LTO1: variants seen among roughly 807,000 people sequenced by gnomAD.
LTO1 encodes the protein protein LTO1 homolog.
Under a neutral mutation model 19.8 loss-of-function variants are expected in LTO1, and 18 were observed. That is an observed-to-expected ratio of 0.91 (90% CI 0.63 to 1.35). LTO1 has a LOEUF of 1.35. Ranked by LOEUF, LTO1 falls within the 40% of genes most tolerant of loss-of-function variation. The pLI is 0.00. For synonymous variants in LTO1, 59 were observed against 59.6 expected, an observed-to-expected ratio of 0.99 and a Z score of 0.05; for missense variants, 175 against 167.9, an observed-to-expected ratio of 1.04 and a Z score of -0.23.
intron 3 of LTO1, among the ~76,000 whole-genome samples, chr11:69,670,465 G>GC (rs1856095377): frequency 6.6e-6 from 1 of 152,236 alleles, no homozygotes. Flanking sequence ...CCAGCTGCCG[G>GC]CCGCTGCCTG....
chr11:69,672,624 C>A, intron 2 of LTO1: 1 of 171,106 alleles, frequency 5.8e-6, no homozygotes, highest in East Asian at 1.5e-4. Context: ...AGTACATGAG[C>A]CAGCACCATG....
Position 69,667,204 on chromosome 11 carries a change from C to A in LTO1, c.*315G>T. On this transcript the variant is annotated 3_prime_UTR_variant, in exon 5 of 5. Coordinates refer to ENST00000279147, the MANE Select transcript of LTO1 (RefSeq NM_153451.3). Reference sequence around the variant, plus strand: ...CTTCAGTCCAGGCCTGGTGACTGACCCTATCCAGAGCCAACTCCAACCCAG... The same window carrying A: ...CTTCAGTCCAGGCCTGGTGACTGACACTATCCAGAGCCAACTCCAACCCAG... 5.2e-6 allele frequency: 2 copies of A among 383,136 alleles called. No individual in the cohort carries two copies. The highest frequency in any genetic ancestry group is 4.7e-6 in the Non-Finnish European group (1 of 214,478). The allele number at this position is 383,136 out of a possible 1,614,324, so 23.7% of individuals were successfully genotyped here.
intron 2 of LTO1, chr11:69,672,115 A>T (rs956769693): frequency 2.7e-5 from 10 of 375,974 alleles, no homozygotes; most frequent in African/African-American, 1.9e-4. Flanking sequence ...AACAGCACAA[A>T]GCTCCTGAGT....
rs1389557641 is a variant in LTO1, at chr11:69,666,456, GACC to G, written c.*1060_*1062del. On this transcript the variant is annotated 3_prime_UTR_variant, in exon 5 of 5. Transcript: ENST00000279147. ...TGTGTGAACACGTGCCATCACATAT[GACC>G]ACCACTCGCCTCGTGGGGACCCACC... 1 of 152,278 alleles carries G rather than the reference GACC, an allele frequency of 6.6e-6. No individual in the cohort carries two copies. The highest frequency in any genetic ancestry group is 6.5e-5 in the Admixed American group (1 of 15,284). 9.4% of individuals were successfully genotyped at this position (152,278 alleles called of 1,614,324 possible).
rs757254567 is a variant in LTO1, at chr11:69,675,289, G to A, written c.-50C>T. 1.1e-5 allele frequency: 15 copies of A among 1,404,686 alleles called. No individual in the cohort carries two copies. Among genetic ancestry groups the A allele is most frequent in the Non-Finnish European group, 1.4e-5 (15 of 1,056,224 alleles). The allele number at this position is 1,404,686 out of a possible 1,614,324, so 87.0% of individuals were successfully genotyped here. A position where few individuals can be genotyped will look rare whatever the true frequency, so the allele number is the denominator to read the frequency against. Reference sequence around the variant, plus strand: ...CCCCGGGTTTCTGCAGCCCCGCGGTGCCGTAGCAGACCCGGCAGCTTCAGG... The same window carrying A: ...CCCCGGGTTTCTGCAGCCCCGCGGTACCGTAGCAGACCCGGCAGCTTCAGG... On this transcript the variant is annotated 5_prime_UTR_variant, in exon 1 of 5. Coordinates refer to ENST00000279147, the MANE Select transcript of LTO1 (RefSeq NM_153451.3).
chr11:69,675,167 G>C, intron 1 of LTO1, 23 bp downstream of exon 1: 1 of 1,590,400 alleles, frequency 6.3e-7, no homozygotes. Flanking sequence ...AGGGCGGGGT[G>C]CGGGCCCGGC....
In LTO1 at chr11:69,675,304, G is replaced by A. The variant is rs1242852152; in HGVS notation, c.-65C>T. On this transcript the variant is annotated 5_prime_UTR_variant, in exon 1 of 5. Transcript: ENST00000279147. ...GCCCCGCGGTGCCGTAGCAGACCCG[G>A]CAGCTTCAGGCACAAATGCTCCGCT... is the stretch of plus-strand genomic sequence containing the variant. The A allele has an allele frequency of 4.0e-6, 5 of 1,265,324 alleles. No individual in the cohort carries two copies. Among genetic ancestry groups the A allele is most frequent in the African/African-American group, 3.1e-5 (2 of 64,456 alleles). 78.4% of individuals were successfully genotyped at this position (1,265,324 alleles called of 1,614,324 possible). A position where few individuals can be genotyped will look rare whatever the true frequency, so the allele number is the denominator to read the frequency against.
Position 69,665,626 on chromosome 11 carries a change from G to A in LTO1, c.*1893C>T, listed in dbSNP as rs1427143723. The A allele has an allele frequency of 6.6e-6, 1 of 152,082 alleles. No homozygotes were observed. The highest frequency in any genetic ancestry group is 1.5e-5 in the Non-Finnish European group (1 of 68,020). 9.4% of individuals were successfully genotyped at this position (152,082 alleles called of 1,614,324 possible). On this transcript the variant is annotated 3_prime_UTR_variant, in exon 5 of 5. Transcript: ENST00000279147. ...ATAAAAATAATACATTATCAAAATA[G>A]ACAACTTACAAAACACAAAAATCCA... is the stretch of plus-strand genomic sequence containing the variant.
Position 69,671,828 on chromosome 11 carries a change from G to A in LTO1, c.157-9C>T, listed in dbSNP as rs755231708. 25 of 1,540,266 alleles carry A rather than the reference G, an allele frequency of 1.6e-5. No individual in the cohort carries two copies. In the South Asian group the frequency reaches 2.6e-4, roughly 16 times the overall value. On this transcript the variant is annotated splice_polypyrimidine_tract_variant and intron_variant, in intron 2 of 4. Transcript: ENST00000279147. Reference sequence around the variant, plus strand: ...CCTTGGTAGCACCCGATCTGTGAATGTGAAAAATATTTAAGAGTGAAATTA... The same window carrying A: ...CCTTGGTAGCACCCGATCTGTGAATATGAAAAATATTTAAGAGTGAAATTA...
Position 69,667,913 on chromosome 11 carries a change from G to T in LTO1, c.327C>A (p.Ile109=). 6.5e-7 allele frequency: 1 copy of T among 1,535,564 alleles called. No individual in the cohort carries two copies. Among genetic ancestry groups the T allele is most frequent in the Non-Finnish European group, 9.0e-7 (1 of 1,108,230 alleles). Reference sequence around the variant, plus strand: ...CACGCACCTGTTTAAATTTTCCTCTGATCTTGTCTAAGTCTTCATGGAGTT... The same window carrying T: ...CACGCACCTGTTTAAATTTTCCTCTTATCTTGTCTAAGTCTTCATGGAGTT... ...YDKLHEDLDK[I]RGKFKQFCSL... The change falls in exon 4 of 5, where the codon ATC becomes ATA. Residue 109 remains isoleucine, a synonymous_variant. Coordinates refer to ENST00000279147, the MANE Select transcript of LTO1 (RefSeq NM_153451.3).
intron 1 of LTO1, chr11:69,674,982 G>A: frequency 1.4e-6 from 1 of 693,772 alleles, no homozygotes. Flanking sequence ...AAGAGCAGCT[G>A]GGCACGTGCC....
In LTO1 at chr11:69,667,573, G is replaced by A. The variant is rs1460894808; in HGVS notation, c.360C>T (p.Leu120=). 1.9e-6 allele frequency: 3 copies of A among 1,609,172 alleles called. No individual in the cohort carries two copies. The highest frequency in any genetic ancestry group is 2.6e-6 in the Non-Finnish European group (3 of 1,175,580). The change falls in exon 5 of 5, where the codon CTC becomes CTT. Residue 120 remains leucine, a synonymous_variant. Transcript: ENST00000279147. ...TAATTTTAAAGTCTGGCTGAACATT[G>A]AGTAACGAACAAAACTGAAAACACA... The part of the protein sequence containing the change: ...RGKFKQFCSL[L]NVQPDFKISA...
At chr11:69,673,529 C>T in intron 1 of LTO1, 1 of 564,746 alleles carries the variant, frequency 1.8e-6, no homozygotes, top group Non-Finnish European at 3.2e-6. Flanking sequence ...TCTTGTAGCC[C>T]AGTTTCTTCA....
rs1236770621 is a variant in LTO1 at position 69,667,291 on chromosome 11, G to A, written c.*228C>T. 1.8e-6 allele frequency: 1 copy of A among 570,808 alleles called. No individual in the cohort carries two copies. Among genetic ancestry groups the A allele is most frequent in the African/African-American group, 1.9e-5 (1 of 52,722 alleles). 35.4% of individuals were successfully genotyped at this position (570,808 alleles called of 1,614,324 possible). A position where few individuals can be genotyped will look rare whatever the true frequency, so the allele number is the denominator to read the frequency against. ...GTCAATGCACGAGGGCTCTGCCAGG[G>A]ACGGCTTCAGCCCAACAAAGGGCAT... On this transcript the variant is annotated 3_prime_UTR_variant, in exon 5 of 5. Transcript: ENST00000279147.
chr11:69,670,010 A>C (rs1032978150), intron 3 of LTO1, among the ~76,000 whole-genome samples: 4 of 150,182 alleles, frequency 2.7e-5, no homozygotes, highest in East Asian at 1.9e-4. Context: ...TTAAAAAAAA[A>C]CAAAAAACAA....
At position 69,667,191 on chromosome 11, in the gene LTO1, C is replaced by T; in HGVS notation, c.*328G>A. On this transcript the variant is annotated 3_prime_UTR_variant, in exon 5 of 5. Coordinates refer to ENST00000279147, the MANE Select transcript of LTO1 (RefSeq NM_153451.3). ...TAAAAATAACTGCCTTCAGTCCAGG[C>T]CTGGTGACTGACCCTATCCAGAGCC... 1 of 339,638 alleles carries T rather than the reference C, an allele frequency of 2.9e-6. No individual in the cohort carries two copies. Among genetic ancestry groups the T allele is most frequent in the Non-Finnish European group, 5.3e-6 (1 of 188,542 alleles). The allele number at this position is 339,638 out of a possible 1,614,324, so 21.0% of individuals were successfully genotyped here.
chr11:69,666,167 A>G lies in LTO1; in HGVS notation c.*1352T>C, dbSNP rs966485898. ...GAGACTCCGTCTTAAAAGAAAAAAC[A>G]AAACAAAAACAAAGCGAGCCACCGT... is the stretch of plus-strand genomic sequence containing the variant. On this transcript the variant is annotated 3_prime_UTR_variant, in exon 5 of 5. Coordinates refer to ENST00000279147, the MANE Select transcript of LTO1 (RefSeq NM_153451.3). The G allele has an allele frequency of 6.6e-6, 1 of 152,200 alleles. No individual in the cohort carries two copies. Among genetic ancestry groups the G allele is most frequent in the Non-Finnish European group, 1.5e-5 (1 of 68,040 alleles). 9.4% of individuals were successfully genotyped at this position (152,200 alleles called of 1,614,324 possible). A position where few individuals can be genotyped will look rare whatever the true frequency, so the allele number is the denominator to read the frequency against.
At position 69,666,626 on chromosome 11, in the gene LTO1, G is replaced by A. The variant is rs1856036274; in HGVS notation, c.*893C>T. 6.6e-6 allele frequency: 1 copy of A among 152,296 alleles called. No homozygotes were observed. Among genetic ancestry groups the A allele is most frequent in the African/African-American group, 2.4e-5 (1 of 41,458 alleles). 9.4% of individuals were successfully genotyped at this position (152,296 alleles called of 1,614,324 possible). On this transcript the variant is annotated 3_prime_UTR_variant, in exon 5 of 5. Coordinates refer to ENST00000279147, the MANE Select transcript of LTO1 (RefSeq NM_153451.3). The stretch of plus-strand genomic sequence containing the variant: ...TCTCAAAGCTTCTGCAAATATAACG[G>A]CGGCCTAACATTTGGTCTTTGGTTC...
chr11:69,668,710 C>G (rs1395886667), intron 3 of LTO1, among the ~76,000 whole-genome samples: 6 of 151,170 alleles, frequency 4.0e-5, no homozygotes, highest in African/African-American at 1.5e-4. Flanking sequence ...TAACAGCAAC[C>G]TCACAGACTT....
Sources: gnomAD v4.1 joint callset for allele counts (sites outside exome capture counted in the v4.1 genomes callset) on GRCh38, gnomAD v4.1.1 for gene constraint, MANE v1.5 for transcripts, NCBI Gene and HGNC (gene_info 2026-07-23, HGNC 2026-07-21) for gene names.